The following MYO5C variants were observed in gnomAD, a reference collection of about 807,000 sequenced individuals.
MYO5C encodes the protein unconventional myosin-Vc.
Under a neutral mutation model 235.7 loss-of-function variants are expected in MYO5C, and 194 were observed. That is an observed-to-expected ratio of 0.82 (90% CI 0.73 to 0.93). The LOEUF is 0.93. Among genes scored for constraint, MYO5C ranks in the 40% least tolerant of loss-of-function variants. The probability of loss-of-function intolerance (pLI) is 0.00; values close to 1 mark genes in which losing one functional copy is unlikely to be tolerated. For missense variants in MYO5C, 2,038 were observed against 2,127.2 expected (o/e 0.96, Z 0.82); for synonymous variants, 707 against 754.8 (o/e 0.94, Z 1.04).
At chr15:52,237,700 T>C in intron 21 of MYO5C, 54 bp from the exon 22 acceptor site, 1 of 1,540,552 alleles carries the variant, frequency 6.5e-7, no homozygotes, top group South Asian at 1.2e-5. Context: ...AAGATGCTGT[T>C]CCATTTAATT....
intron 25 of MYO5C, among the ~76,000 whole-genome samples, chr15:52,225,977 G>C (rs2035813121): frequency 6.6e-6 from 1 of 151,944 alleles, no homozygotes; most frequent in African/African-American, 2.4e-5. Context: ...TTGAACCCGG[G>C]AGGCAGAGGT....
chr15:52,229,068 G>T, intron 25 of MYO5C, 65 bp downstream of exon 25: 1 of 1,586,906 alleles, frequency 6.3e-7, no homozygotes, highest in Non-Finnish European at 8.6e-7. Context: ...CTAATCTGTG[G>T]GAACTTGGAA....
At chr15:52,283,643 A>G (rs1336112783) in intron 1 of MYO5C, among the ~76,000 whole-genome samples, 1 of 152,108 alleles carries the variant, frequency 6.6e-6, no homozygotes, top group African/African-American at 2.4e-5. Flanking sequence ...ATTAAGGTTC[A>G]GTGAGGTCAT....
chr15:52,252,944 T>C (rs1024054524), intron 12 of MYO5C, among the ~76,000 whole-genome samples: 1 of 152,226 alleles, frequency 6.6e-6, no homozygotes, highest in Non-Finnish European at 1.5e-5. Flanking sequence ...TCATACGATG[T>C]TGATTTTTCT....
intron 21 of MYO5C, 65 bp from the exon 22 acceptor site, chr15:52,237,711 C>T: frequency 6.6e-7 from 1 of 1,508,310 alleles, no homozygotes; most frequent in East Asian, 2.3e-5. Flanking sequence ...CCATTTAATT[C>T]TCATAGCCTT....
chr15:52,229,108 G>A (rs1347286315), intron 25 of MYO5C, 25 bp downstream of exon 25: 1 of 1,612,698 alleles, frequency 6.2e-7, no homozygotes, highest in East Asian at 2.2e-5. Flanking sequence ...CCAGAGGGCG[G>A]GGCTGAACGT....
intron 19 of MYO5C, among the ~76,000 whole-genome samples, chr15:52,244,082 C>T (rs2036282816): frequency 6.6e-6 from 1 of 152,152 alleles, no homozygotes; most frequent in Non-Finnish European, 1.5e-5. Context: ...TTCCGGAACC[C>T]TGACTCTCCT....
Position 52,225,506 on chromosome 15 carries a change from T to C in MYO5C, c.3234A>G (p.Ile1078Met). 6.2e-7 allele frequency: 1 copy of C among 1,613,512 alleles called. No individual in the cohort carries two copies. The highest frequency in any genetic ancestry group is 8.5e-7 in the Non-Finnish European group (1 of 1,179,792). The change falls in exon 26 of 41, where the codon ATA (isoleucine) becomes ATG (methionine). Residue 1078 changes from isoleucine (I) to methionine (M), a missense_variant. Ile to Met is a conservative substitution (Grantham distance 10). Coordinates refer to ENST00000261839, the MANE Select transcript of MYO5C (RefSeq NM_018728.4). ...CTATCTTCTGTGCCTGAAGTAGTTC[T>C]ATCTCTTTTTCGAACTCAGAGATTG... ...VKTISEFEKE[I>M]ELLQAQKIDV...
intron 9 of MYO5C, among the ~76,000 whole-genome samples, chr15:52,262,355 G>A (rs1417009303): frequency 2.0e-5 from 3 of 152,176 alleles, no homozygotes; most frequent in Non-Finnish European, 2.9e-5. Context: ...CCTCCAAAAT[G>A]CTACCTTAAT....
chr15:52,260,991 A>G lies in MYO5C; in HGVS notation c.1184T>C (p.Val395Ala). 1 of 1,614,232 alleles carries G rather than the reference A, an allele frequency of 6.2e-7. No homozygotes were observed. The highest frequency in any genetic ancestry group is 8.5e-7 in the Non-Finnish European group (1 of 1,180,038). Reference sequence around the variant, plus strand: ...TTTGGCCAGTGCATCCCTGGCGTTGACAGCCTGAGGCCTGGTCATGGGTTT... The same window carrying G: ...TTTGGCCAGTGCATCCCTGGCGTTGGCAGCCTGAGGCCTGGTCATGGGTTT... ...VVKPMTRPQA[V>A]NARDALAKKI... Residue 395 changes from valine to alanine, a missense_variant, in exon 10 of 41, where the codon GTC (valine) becomes GCC (alanine). Physicochemically the swap from Val to Ala is moderately conservative, Grantham distance 64 (BLOSUM62 0). Coordinates refer to ENST00000261839, the MANE Select transcript of MYO5C (RefSeq NM_018728.4).
At chr15:52,277,121 AT>A in intron 4 of MYO5C, 1 of 511,504 alleles carries the variant, frequency 2.0e-6, no homozygotes, top group Non-Finnish European at 4.0e-6. Context: ...GTGAAATGAC[AT>A]GCTCAGTGTC....
chr15:52,194,763 A>G (rs1439870619), intron 40 of MYO5C, among the ~76,000 whole-genome samples: 1 of 151,430 alleles, frequency 6.6e-6, no homozygotes, highest in African/African-American at 2.4e-5. Context: ...ATATTATCAT[A>G]TATACGATAT....
chr15:52,226,450 C>T (rs921459000), intron 25 of MYO5C, among the ~76,000 whole-genome samples: 2 of 152,208 alleles, frequency 1.3e-5, no homozygotes, highest in Non-Finnish European at 2.9e-5. Context: ...GATATAAGGA[C>T]TTTCAGGGAC....
Position 52,244,400 on chromosome 15 carries a change from G to T in MYO5C, c.2346C>A (p.Ala782=). The part of the protein sequence containing the change: ...QRKKFLRERR[A]ALIIQQYFRG... Reference sequence around the variant, plus strand: ...GGAAGTACTGCTGGATTATCAGGGCGGCTCGTCTCTCTCGGAGGAATTTTT... The same window carrying T: ...GGAAGTACTGCTGGATTATCAGGGCTGCTCGTCTCTCTCGGAGGAATTTTT... The change falls in exon 19 of 41, where the codon GCC becomes GCA. Residue 782 remains alanine, a synonymous_variant. Coordinates refer to ENST00000261839, the MANE Select transcript of MYO5C (RefSeq NM_018728.4). 6 of 1,613,920 alleles carry T rather than the reference G, an allele frequency of 3.7e-6. No individual in the cohort carries two copies. The highest frequency in any genetic ancestry group is 4.2e-6 in the Non-Finnish European group (5 of 1,180,010).
rs887887352 is a variant in MYO5C, at chr15:52,192,926, G to A, written c.*976C>T. ...TGAAGTTCTTTCAGAGAAGATAAAC[G>A]GCATGGCAATTAAGCTTTAATAATA... On this transcript the variant is annotated 3_prime_UTR_variant, in exon 41 of 41. Coordinates refer to ENST00000261839, the MANE Select transcript of MYO5C (RefSeq NM_018728.4). 3.3e-5 allele frequency: 5 copies of A among 152,040 alleles called. No individual in the cohort carries two copies. Among genetic ancestry groups the A allele is most frequent in the African/African-American group, 7.2e-5 (3 of 41,390 alleles). The allele number at this position is 152,040 out of a possible 1,614,324, so 9.4% of individuals were successfully genotyped here. A position where few individuals can be genotyped will look rare whatever the true frequency, so the allele number is the denominator to read the frequency against.
At position 52,254,316 on chromosome 15, in the gene MYO5C, G is replaced by A. The variant is rs374894771; in HGVS notation, c.1396-859C>T. The stretch of plus-strand genomic sequence containing the variant: ...AGTGAGACCAATGAGGACTCAGCCC[G>A]ATGCTCTTGATGGCTGGGACTCAGG... On this transcript the variant is annotated intron_variant, in intron 11 of 40. Transcript: ENST00000261839. Among the ~76,000 whole-genome samples the A allele has an allele frequency of 2.6e-5, 4 of 152,284 alleles. No homozygotes were observed. In the South Asian group the frequency reaches 6.2e-4, roughly 24 times the overall value.
chr15:52,244,325 G>A (rs1183546843), intron 19 of MYO5C, 31 bp downstream of exon 19: 3 of 1,600,660 alleles, frequency 1.9e-6, no homozygotes, highest in African/African-American at 2.7e-5. Flanking sequence ...AAGCCCCACA[G>A]TTCCACATGT....
intron 25 of MYO5C, 25 bp downstream of exon 25, chr15:52,229,108 G>C: frequency 6.2e-7 from 1 of 1,612,698 alleles, no homozygotes. Flanking sequence ...CCAGAGGGCG[G>C]GGCTGAACGT....
chr15:52,282,076 T>C (rs925442322), intron 2 of MYO5C, among the ~76,000 whole-genome samples: 14 of 152,168 alleles, frequency 9.2e-5, no homozygotes, highest in African/African-American at 3.4e-4. Flanking sequence ...AGCTGCGTCA[T>C]CAGAAGGCAC....
Sources: allele counts gnomAD v4.1 joint callset (sites outside exome capture counted in the v4.1 genomes callset), GRCh38; gene constraint gnomAD v4.1.1; transcripts MANE v1.5; gene names NCBI Gene and HGNC (gene_info 2026-07-23, HGNC 2026-07-21).